Variants in RAB3C observed in about 807,000 individuals in gnomAD.
RAB3C encodes the protein ras-related protein Rab-3C.
Under a neutral mutation model 26.4 loss-of-function variants are expected in RAB3C, and 17 were observed. The ratio of observed to expected loss-of-function variants is 0.64; its 90% CI spans 0.44 to 0.97. The LOEUF (loss-of-function observed/expected upper bound fraction) is 0.97, where lower values mean the gene tolerates loss of function less well. Among genes scored for constraint, RAB3C ranks in the 50% least tolerant of loss-of-function variants. The pLI is 0.00. For synonymous variants in RAB3C, 91 were observed against 95.9 expected (o/e 0.95, Z 0.30); for missense variants, 242 against 281.9 (o/e 0.86, Z 1.01).
chr5:58,622,752 C>A (rs1746963670), intron 2 of RAB3C, among the ~76,000 whole-genome samples: 1 of 152,052 alleles, frequency 6.6e-6, no homozygotes, highest in Non-Finnish European at 1.5e-5. Flanking sequence ...ACCAAATAAA[C>A]CAAGGTGGTA....
intron 4 of RAB3C, among the ~76,000 whole-genome samples, chr5:58,847,848 C>T (rs922463596): frequency 5.2e-5 from 7 of 134,760 alleles, no homozygotes; most frequent in Non-Finnish European, 8.0e-5. Flanking sequence ...CTTTAATTTC[C>T]AGAACCTTTA....
At chr5:58,803,040 T>C (rs1742845221) in intron 3 of RAB3C, among the ~76,000 whole-genome samples, 1 of 152,218 alleles carries the variant, frequency 6.6e-6, no homozygotes, top group South Asian at 2.1e-4. Context: ...AGTACCCATC[T>C]ATTCTGCTCT....
chr5:58,720,164 A>C (rs1740718917), intron 2 of RAB3C, among the ~76,000 whole-genome samples: 1 of 151,904 alleles, frequency 6.6e-6, no homozygotes, highest in Admixed American at 6.6e-5. Flanking sequence ...TGGTGATATT[A>C]CTTGAGTTAT....
At chr5:58,608,275 G>T (rs187609329) in intron 1 of RAB3C, among the ~76,000 whole-genome samples, 83 of 151,936 alleles carry the variant, frequency 5.5e-4, no homozygotes, top group African/African-American at 2.0e-3. Flanking sequence ...AAGAGCAGGG[G>T]TTGCATCTGA....
intron 2 of RAB3C, among the ~76,000 whole-genome samples, chr5:58,721,456 T>C (rs1247189391): frequency 2.6e-5 from 4 of 151,836 alleles, no homozygotes; most frequent in African/African-American, 9.7e-5. Context: ...GCCAGGATTT[T>C]GAGCCAGCTT....
intron 3 of RAB3C, among the ~76,000 whole-genome samples, chr5:58,807,628 T>A (rs1046770000): frequency 4.6e-5 from 7 of 152,072 alleles, no homozygotes; most frequent in Admixed American, 1.3e-4. Flanking sequence ...GAGTAGGAGA[T>A]TTATGTCTCT....
At chr5:58,660,588 T>C (rs1747882495) in intron 2 of RAB3C, among the ~76,000 whole-genome samples, 1 of 150,322 alleles carries the variant, frequency 6.7e-6, no homozygotes, top group African/African-American at 2.5e-5. Context: ...CCCCATTTTA[T>C]CACATGAATC....
At chr5:58,710,828 T>C (rs75642443) in intron 2 of RAB3C, among the ~76,000 whole-genome samples, 2,927 of 152,150 alleles carry the variant, frequency 0.019, 104 homozygotes, top group East Asian at 0.14. Flanking sequence ...CAGCTTCTAG[T>C]TCTCTAGCAT....
chr5:58,838,224 C>T (rs771150579), intron 4 of RAB3C, among the ~76,000 whole-genome samples: 10 of 151,878 alleles, frequency 6.6e-5, no homozygotes, highest in Non-Finnish European at 1.3e-4. Context: ...ACTAAAAATA[C>T]AAAAAATTAG....
intron 2 of RAB3C, among the ~76,000 whole-genome samples, chr5:58,640,361 G>C (rs1307970408): frequency 6.6e-6 from 1 of 152,172 alleles, no homozygotes; most frequent in East Asian, 1.9e-4. Context: ...CTTCCCCTCT[G>C]CCTTTCCCCC....
intron 1 of RAB3C, among the ~76,000 whole-genome samples, chr5:58,596,632 T>G (rs1241269128): frequency 7.3e-5 from 7 of 96,078 alleles, no homozygotes; most frequent in South Asian, 2.8e-4. Flanking sequence ...TAATACATAA[T>G]ATATAAATAT....
chr5:58,721,227 T>C (rs1230941081), intron 2 of RAB3C, among the ~76,000 whole-genome samples: 1 of 125,172 alleles, frequency 8.0e-6, no homozygotes, highest in East Asian at 2.2e-4. Flanking sequence ...ATATTTAAGC[T>C]AACTGAAATA....
At chr5:58,618,193 T>C (rs1746865376) in intron 2 of RAB3C, among the ~76,000 whole-genome samples, 1 of 152,214 alleles carries the variant, frequency 6.6e-6, no homozygotes, top group Non-Finnish European at 1.5e-5. Flanking sequence ...TCTGTAACCT[T>C]GAGAAAGTCT....
At chr5:58,810,383 C>CTGTG (rs1385246132) in intron 3 of RAB3C, among the ~76,000 whole-genome samples, 6 of 145,842 alleles carry the variant, frequency 4.1e-5, no homozygotes, top group Admixed American at 1.3e-4. Flanking sequence ...CTCTCTCTCT[C>CTGTG]TCTGTGTGTG....
intron 3 of RAB3C, among the ~76,000 whole-genome samples, chr5:58,780,563 T>C (rs551995177): frequency 6.6e-6 from 1 of 152,268 alleles, no homozygotes; most frequent in East Asian, 1.9e-4. Flanking sequence ...TGTTTCTTAC[T>C]CCAGGGACCT....
At chr5:58,652,173 T>C (rs9292170) in intron 2 of RAB3C, among the ~76,000 whole-genome samples, 58,380 of 151,508 alleles carry the variant, frequency 0.39, 11,496 homozygotes, top group East Asian at 0.48. Flanking sequence ...TTCTGACTTA[T>C]TATTCTTGTA....
intron 2 of RAB3C, among the ~76,000 whole-genome samples, chr5:58,709,872 T>C (rs1170590114): frequency 6.6e-6 from 1 of 152,218 alleles, no homozygotes; most frequent in Non-Finnish European, 1.5e-5. Flanking sequence ...AGCCAGGGTT[T>C]CTCTCTAATT....
At chr5:58,823,697 G>C (rs531376293) in intron 3 of RAB3C, 10 of 203,024 alleles carry the variant, frequency 4.9e-5, no homozygotes, top group African/African-American at 2.3e-4. Flanking sequence ...GACCTCAGGA[G>C]CAGGCTCTGA....
intron 3 of RAB3C, among the ~76,000 whole-genome samples, chr5:58,821,274 T>C (rs769432677): frequency 6.6e-6 from 1 of 152,216 alleles, no homozygotes; most frequent in Non-Finnish European, 1.5e-5. Flanking sequence ...GAACTTTTTC[T>C]GTTAACATAA....
Sources: allele counts gnomAD v4.1 joint callset (sites outside exome capture counted in the v4.1 genomes callset), GRCh38; gene constraint gnomAD v4.1.1; transcripts MANE v1.5; gene names NCBI Gene and HGNC (gene_info 2026-07-23, HGNC 2026-07-21).